The following ETFRF1 variants were observed in gnomAD, a reference collection of about 807,000 sequenced individuals.
ETFRF1 encodes the protein LYR motif containing 5.
A neutral mutation model predicts 9.0 loss-of-function variants in ETFRF1; 12 were observed. The ratio of observed to expected loss-of-function variants is 1.34; its 90% CI spans 0.86 to 2.16. ETFRF1 has a LOEUF of 2.16. Among genes scored for constraint, ETFRF1 ranks in the 30% most tolerant of loss-of-function variants. The pLI, the probability that ETFRF1 is intolerant of heterozygous loss-of-function variation, is 0.00. For missense variants in ETFRF1, 98 were observed against 101.8 expected (o/e 0.96, Z 0.16); for synonymous variants, 34 against 33.2 (o/e 1.02, Z -0.08).
At position 25,204,369 on chromosome 12, in the gene ETFRF1, TAA is replaced by T; in HGVS notation, c.*60_*61del. On this transcript the variant is annotated 3_prime_UTR_variant, in exon 3 of 3. Coordinates refer to ENST00000381356, the MANE Select transcript of ETFRF1 (RefSeq NM_001001660.3). Reference sequence around the variant, plus strand: ...AGCTGTTTATGTATACCAGATGTTGTAAAATAATTCTAACTTAAAATGGGAAG... The same window carrying T: ...AGCTGTTTATGTATACCAGATGTTGTAATAATTCTAACTTAAAATGGGAAG... 7.5e-7 allele frequency: 1 copy of T among 1,341,812 alleles called. No individual in the cohort carries two copies. The highest frequency in any genetic ancestry group is 1.5e-5 in the African/African-American group (1 of 67,780). The allele number at this position is 1,341,812 out of a possible 1,614,324, so 83.1% of individuals were successfully genotyped here.
chr12:25,195,304 G>T lies in ETFRF1; in HGVS notation c.-71G>T, dbSNP rs542875665. On this transcript the variant is annotated 5_prime_UTR_variant, in exon 1 of 3. Coordinates refer to ENST00000381356, the MANE Select transcript of ETFRF1 (RefSeq NM_001001660.3). ...AGTAGACGGACAGAGGAGTCGTAGC[G>T]GTCGAGGCTTTTGCGGCTCCGGCGT... The T allele has an allele frequency of 8.2e-6, 5 of 608,486 alleles. No homozygotes were observed. The highest frequency in any genetic ancestry group is 7.4e-5 in the African/African-American group (4 of 54,084). The allele number at this position is 608,486 out of a possible 1,614,324, so 37.7% of individuals were successfully genotyped here.
intron 1 of ETFRF1, among the ~76,000 whole-genome samples, chr12:25,200,202 C>A (rs1951064072): frequency 6.7e-6 from 1 of 150,342 alleles, no homozygotes; most frequent in African/African-American, 2.4e-5. Context: ...AAGAGCGAAA[C>A]TCCATGCTTA....
At chr12:25,196,425 T>C (rs1320567064) in intron 1 of ETFRF1, among the ~76,000 whole-genome samples, 1 of 152,234 alleles carries the variant, frequency 6.6e-6, no homozygotes, top group African/African-American at 2.4e-5. Context: ...TACCTTAAAA[T>C]AGTGGGCTTT....
chr12:25,204,453 A>G lies in ETFRF1; in HGVS notation c.*141A>G. The G allele has an allele frequency of 1.8e-6, 1 of 567,238 alleles. No individual in the cohort carries two copies. 35.1% of individuals were successfully genotyped at this position (567,238 alleles called of 1,614,324 possible). A position where few individuals can be genotyped will look rare whatever the true frequency, so the allele number is the denominator to read the frequency against. On this transcript the variant is annotated 3_prime_UTR_variant, in exon 3 of 3. Transcript: ENST00000381356. ...GCCCTACTGAACTAAATAGGTTTCAACTTCTGTTCATACGGAGAAAGTATC... is the reference window on the plus strand; with the variant it reads ...GCCCTACTGAACTAAATAGGTTTCAGCTTCTGTTCATACGGAGAAAGTATC...
Position 25,204,075 on chromosome 12 carries a change from ATCTT to A in ETFRF1, c.52-10_52-7del, listed in dbSNP as rs1951102188. 4 of 1,555,914 alleles carry A rather than the reference ATCTT, an allele frequency of 2.6e-6. No individual in the cohort carries two copies. Among genetic ancestry groups the A allele is most frequent in the Non-Finnish European group, 1.7e-6 (2 of 1,148,924 alleles). ...GACATGGATTGTTTAGAAATATATA[ATCTT>A]TCTTTTTGAAGCTGCTGTATCTTGG... On this transcript the variant is annotated splice_polypyrimidine_tract_variant and intron_variant, in intron 2 of 2. Coordinates refer to ENST00000381356, the MANE Select transcript of ETFRF1 (RefSeq NM_001001660.3).
At chr12:25,198,589 C>G (rs996998271) in intron 1 of ETFRF1, among the ~76,000 whole-genome samples, 6 of 151,892 alleles carry the variant, frequency 4.0e-5, no homozygotes, top group African/African-American at 1.5e-4. Context: ...GAGACAAAAG[C>G]AAGCAGAAAA....
intron 1 of ETFRF1, among the ~76,000 whole-genome samples, chr12:25,203,200 G>A (rs1449425594): frequency 6.6e-6 from 1 of 151,278 alleles, no homozygotes; most frequent in African/African-American, 2.4e-5. Context: ...AACTCTAACA[G>A]GTAGTGGGAA....
At chr12:25,197,451 C>T (rs886525140) in intron 1 of ETFRF1, among the ~76,000 whole-genome samples, 8 of 152,078 alleles carry the variant, frequency 5.3e-5, no homozygotes, top group Middle Eastern at 3.2e-3. Context: ...AACATGGTTC[C>T]GAAGAGGTGT....
At chr12:25,197,281 G>C (rs1951038583) in intron 1 of ETFRF1, among the ~76,000 whole-genome samples, 1 of 152,110 alleles carries the variant, frequency 6.6e-6, no homozygotes, top group African/African-American at 2.4e-5. Flanking sequence ...TTTGTAAAAA[G>C]ACCAACAACT....
intron 1 of ETFRF1, among the ~76,000 whole-genome samples, chr12:25,201,592 T>C (rs1592787020): frequency 6.6e-6 from 1 of 152,296 alleles, no homozygotes; most frequent in Non-Finnish European, 1.5e-5. Context: ...CAGATGTATA[T>C]TTTACTTTAA....
intron 1 of ETFRF1, among the ~76,000 whole-genome samples, chr12:25,202,553 G>C (rs1272464595): frequency 6.6e-6 from 1 of 152,060 alleles, no homozygotes; most frequent in Non-Finnish European, 1.5e-5. Flanking sequence ...TAAGTTGCTT[G>C]AGCCCAAGAA....
In ETFRF1 at chr12:25,204,381, A is replaced by AACTT. The variant is rs1951108673; in HGVS notation, c.*71_*74dup. ...ATACCAGATGTTGTAAAATAATTCT[A>AACTT]ACTTAAAATGGGAAGATATACATGT... On this transcript the variant is annotated 3_prime_UTR_variant, in exon 3 of 3. Coordinates refer to ENST00000381356, the MANE Select transcript of ETFRF1 (RefSeq NM_001001660.3). The AACTT allele has an allele frequency of 2.4e-5, 31 of 1,285,362 alleles. No homozygotes were observed. The highest frequency in any genetic ancestry group is 3.1e-5 in the Non-Finnish European group (30 of 954,696). 79.6% of individuals were successfully genotyped at this position (1,285,362 alleles called of 1,614,324 possible).
chr12:25,201,013 C>T (rs1045301934), intron 1 of ETFRF1, among the ~76,000 whole-genome samples: 5 of 152,216 alleles, frequency 3.3e-5, no homozygotes, highest in Non-Finnish European at 5.9e-5. Flanking sequence ...AGATTCTTAC[C>T]GGTATTTGCC....
At chr12:25,202,298 G>T (rs1207987767) in intron 1 of ETFRF1, among the ~76,000 whole-genome samples, 1 of 151,988 alleles carries the variant, frequency 6.6e-6, no homozygotes, top group East Asian at 1.9e-4. Flanking sequence ...ATTACGTGGG[G>T]CTGAGCAAGG....
intron 1 of ETFRF1, among the ~76,000 whole-genome samples, chr12:25,199,908 C>T (rs908678637): frequency 4.6e-5 from 7 of 151,870 alleles, no homozygotes; most frequent in Non-Finnish European, 8.8e-5. Flanking sequence ...TGAGAAAATC[C>T]CCCATACAAC....
At chr12:25,202,931 T>G (rs138761677) in intron 1 of ETFRF1, among the ~76,000 whole-genome samples, 1 of 152,298 alleles carries the variant, frequency 6.6e-6, no homozygotes, top group East Asian at 1.9e-4. Context: ...GCTTTGTCAC[T>G]TAGAGGACCT....
chr12:25,198,968 G>T (rs1054574108), intron 1 of ETFRF1, among the ~76,000 whole-genome samples: 1 of 152,212 alleles, frequency 6.6e-6, no homozygotes, highest in African/African-American at 2.4e-5. Context: ...CCACGAATTG[G>T]CAGCCTTGTG....
rs1294401646 is a variant in ETFRF1, at chr12:25,204,565, AAATAT to A, written c.*258_*262del. 6 of 309,058 alleles carry A rather than the reference AAATAT, an allele frequency of 1.9e-5. 1 individual carries two copies. The highest frequency in any genetic ancestry group is 2.3e-5 in the Non-Finnish European group (4 of 170,586). 19.1% of individuals were successfully genotyped at this position (309,058 alleles called of 1,614,324 possible). The stretch of plus-strand genomic sequence containing the variant: ...TTAATGAGCACCCAATTTTGAATGA[AAATAT>A]AATACACTTAATCCTCTAACTTAAT... On this transcript the variant is annotated 3_prime_UTR_variant, in exon 3 of 3. Transcript: ENST00000381356.
chr12:25,202,610 G>A (rs1182796025), intron 1 of ETFRF1, among the ~76,000 whole-genome samples: 1 of 152,142 alleles, frequency 6.6e-6, no homozygotes, highest in African/African-American at 2.4e-5. Context: ...CATGTGGGAT[G>A]GTGGCAGTGG....
Sources: allele counts gnomAD v4.1 joint callset (sites outside exome capture counted in the v4.1 genomes callset), GRCh38; gene constraint gnomAD v4.1.1; transcripts MANE v1.5; gene names NCBI Gene and HGNC (gene_info 2026-07-23, HGNC 2026-07-21).